Variants in B3GNT2 observed in about 807,000 individuals in gnomAD.
B3GNT2 encodes the protein N-acetyllactosaminide beta-1,3-N-acetylglucosaminyltransferase 2.
B3GNT2 carries 12 observed loss-of-function variants against 27.6 expected under a neutral mutation model. The ratio of observed to expected loss-of-function variants is 0.44; its 90% CI spans 0.28 to 0.71. B3GNT2 has a LOEUF of 0.71. Ranked by LOEUF, B3GNT2 falls within the 30% of genes least tolerant of loss-of-function variation. The pLI is 0.17. For synonymous variants in B3GNT2, 192 were observed against 189.7 expected, an observed-to-expected ratio of 1.01 and a Z score of -0.10; for missense variants, 413 against 488.5, an observed-to-expected ratio of 0.85 and a Z score of 1.46.
intron 1 of B3GNT2, among the ~76,000 whole-genome samples, chr2:62,216,734 A>G (rs1240860013): frequency 6.6e-6 from 1 of 152,200 alleles, no homozygotes; most frequent in East Asian, 1.9e-4. Flanking sequence ...ACGGTGGGAC[A>G]GTAGGAAAAT....
chr2:62,200,702 G>A (rs1269781073), intron 1 of B3GNT2, among the ~76,000 whole-genome samples: 1 of 152,176 alleles, frequency 6.6e-6, no homozygotes, highest in Non-Finnish European at 1.5e-5. Flanking sequence ...TCTTGTCCGT[G>A]TTCCCACCCC....
intron 1 of B3GNT2, among the ~76,000 whole-genome samples, chr2:62,203,324 G>T (rs1218392578): frequency 6.6e-6 from 1 of 152,128 alleles, no homozygotes; most frequent in Non-Finnish European, 1.5e-5. Flanking sequence ...TAGGAGAAGG[G>T]CCATGACACA....
chr2:62,221,931 A>G, intron 1 of B3GNT2: 1 of 529,510 alleles, frequency 1.9e-6, no homozygotes, highest in Non-Finnish European at 3.6e-6. Flanking sequence ...GCTGTGAGCC[A>G]CGCGCTATTT....
In B3GNT2 at chr2:62,223,060, A is replaced by G; in HGVS notation, c.840A>G (p.Gly280=). 1.2e-6 allele frequency: 2 copies of G among 1,614,196 alleles called. No individual in the cohort carries two copies. The highest frequency in any genetic ancestry group is 1.6e-4 in the Middle Eastern group (1 of 6,062). Residue 280 remains glycine (G), a synonymous_variant, in exon 2 of 2, where the codon GGA becomes GGG. Transcript: ENST00000301998. The part of the protein sequence containing the change: ...LFIGDVIHNA[G]PHRDKKLKYY... ...TAGGTGATGTGATCCACAATGCTGG[A>G]CCTCATCGGGATAAGAAGCTGAAGT...
At chr2:62,207,607 A>G (rs893353016) in intron 1 of B3GNT2, among the ~76,000 whole-genome samples, 1 of 152,190 alleles carries the variant, frequency 6.6e-6, no homozygotes, top group Non-Finnish European at 1.5e-5. Context: ...TTTCGGGATG[A>G]AACTGTCTCA....
chr2:62,197,920 T>C lies in B3GNT2; in HGVS notation c.-10+1565T>C, dbSNP rs114501704. On this transcript the variant is annotated intron_variant, in intron 1 of 1. Coordinates refer to ENST00000301998, the MANE Select transcript of B3GNT2 (RefSeq NM_006577.6). ...TAGAGGGTGGTTAAGCCTGGAGGAA[T>C]TTGGGAGAGTTTTACTCGGAGCCCA... Among the ~76,000 whole-genome samples the C allele has an allele frequency of 5.0e-3, 757 of 152,330 alleles. 3 individuals carry two copies. The highest frequency in any genetic ancestry group is 0.017 in the African/African-American group (690 of 41,580).
chr2:62,205,468 A>G (rs571625023), intron 1 of B3GNT2, among the ~76,000 whole-genome samples: 5 of 152,246 alleles, frequency 3.3e-5, no homozygotes, highest in African/African-American at 9.6e-5. Context: ...TTTGATACTT[A>G]AAAAGCAACA....
Position 62,222,129 on chromosome 2 carries a change from C to A in B3GNT2, c.-9-83C>A. On this transcript the variant is annotated intron_variant, in intron 1 of 1. Coordinates refer to ENST00000301998, the MANE Select transcript of B3GNT2 (RefSeq NM_006577.6). The surrounding 1 kb of genome is among the most constrained non-coding windows in gnomAD (Gnocchi z 4.2). The stretch of plus-strand genomic sequence containing the variant: ...AGAGTCTTTGCTGTAAACCACTATT[C>A]CTGGGGAGACAGGTAAAATAAATTG... The A allele has an allele frequency of 8.1e-7, 1 of 1,239,708 alleles. No individual in the cohort carries two copies. The highest frequency in any genetic ancestry group is 1.1e-6 in the Non-Finnish European group (1 of 893,370). 76.8% of individuals were successfully genotyped at this position (1,239,708 alleles called of 1,614,324 possible).
chr2:62,209,855 G>A (rs1047503539), intron 1 of B3GNT2, among the ~76,000 whole-genome samples: 4 of 152,146 alleles, frequency 2.6e-5, no homozygotes, highest in Non-Finnish European at 4.4e-5. Context: ...GCTCTGACAG[G>A]TGTTTAAGAC....
intron 1 of B3GNT2, among the ~76,000 whole-genome samples, chr2:62,207,514 T>G (rs149467438): frequency 0.016 from 2,476 of 152,112 alleles, 62 homozygotes; most frequent in African/African-American, 0.057. Flanking sequence ...ACATCCGTGG[T>G]CCCCAGCCTT....
chr2:62,223,383 C>A lies in B3GNT2; in HGVS notation c.1163C>A (p.Ser388Tyr). 1 of 1,612,872 alleles carries A rather than the reference C, an allele frequency of 6.2e-7. No individual in the cohort carries two copies. The highest frequency in any genetic ancestry group is 1.7e-4 in the Middle Eastern group (1 of 6,054). Residue 388 changes from serine to tyrosine, a missense_variant, in exon 2 of 2, where the codon TCT (serine) becomes TAT (tyrosine). By Grantham distance (144) the Ser-to-Tyr change is moderately radical. Transcript: ENST00000301998. Reference sequence around the variant, plus strand: ...CCTCAAGAGATGATTGATATTTGGTCTCAGTTGCAGAGTGCTCATTTAAAA... The same window carrying A: ...CCTCAAGAGATGATTGATATTTGGTATCAGTTGCAGAGTGCTCATTTAAAA... Reference protein sequence around the residue: ...RKPQEMIDIWSQLQSAHLKC With the variant: ...RKPQEMIDIWYQLQSAHLKC
chr2:62,217,550 T>C (rs1315677829), intron 1 of B3GNT2, among the ~76,000 whole-genome samples: 1 of 152,162 alleles, frequency 6.6e-6, no homozygotes, highest in Admixed American at 6.5e-5. Context: ...GTGCAGGTAA[T>C]AGGGATGGGT....
chr2:62,216,158 A>G (rs1171648384), intron 1 of B3GNT2, among the ~76,000 whole-genome samples: 1 of 152,152 alleles, frequency 6.6e-6, no homozygotes, highest in African/African-American at 2.4e-5. Flanking sequence ...CTTCAGTGCT[A>G]CAGGGCTCTC....
At chr2:62,199,016 C>G (rs1196219342) in intron 1 of B3GNT2, among the ~76,000 whole-genome samples, 2 of 152,198 alleles carry the variant, frequency 1.3e-5, no homozygotes, top group Non-Finnish European at 2.9e-5. Context: ...TCTCAGCTCA[C>G]TGCAACCGCT....
intron 1 of B3GNT2, among the ~76,000 whole-genome samples, chr2:62,197,826 G>A (rs1674183809): frequency 6.6e-6 from 1 of 152,232 alleles, no homozygotes; most frequent in African/African-American, 2.4e-5. Context: ...GACCCGGAGG[G>A]AGGACCGGCA....
intron 1 of B3GNT2, among the ~76,000 whole-genome samples, chr2:62,197,636 G>C (rs546563331): frequency 9.8e-5 from 15 of 152,350 alleles, no homozygotes; most frequent in Non-Finnish European, 8.8e-5. Flanking sequence ...GCCAGTTGGT[G>C]AATATAGAAT....
At chr2:62,197,919 AT>A (rs1483931929) in intron 1 of B3GNT2, among the ~76,000 whole-genome samples, 1 of 152,216 alleles carries the variant, frequency 6.6e-6, no homozygotes, top group African/African-American at 2.4e-5. Context: ...GCCTGGAGGA[AT>A]TTGGGAGAGT....
intron 1 of B3GNT2, among the ~76,000 whole-genome samples, chr2:62,199,381 A>ACTGTATTTTT (rs1169078785): frequency 1.3e-5 from 2 of 152,188 alleles, no homozygotes; most frequent in Non-Finnish European, 2.9e-5. Flanking sequence ...GTAGTATTTG[A>ACTGTATTTTT]CTGTATTTTT....
At chr2:62,207,016 C>T (rs2104192915) in intron 1 of B3GNT2, among the ~76,000 whole-genome samples, 1 of 152,282 alleles carries the variant, frequency 6.6e-6, no homozygotes. Flanking sequence ...ATTGTGAACA[C>T]TTATTGAAGT....
Sources: allele counts gnomAD v4.1 joint callset (sites outside exome capture counted in the v4.1 genomes callset), GRCh38; gene constraint gnomAD v4.1.1; non-coding constraint Gnocchi (gnomAD v3.1); transcripts MANE v1.5; gene names NCBI Gene and HGNC (gene_info 2026-07-23, HGNC 2026-07-21).